ARID5B: variants seen among roughly 807,000 people sequenced by gnomAD.
The protein encoded by ARID5B is AT-rich interaction domain 5B.
A neutral mutation model predicts 97.2 loss-of-function variants in ARID5B; 13 were observed. That is an observed-to-expected ratio of 0.13 (90% CI 0.09 to 0.21). The LOEUF (loss-of-function observed/expected upper bound fraction) is 0.21, where lower values mean the gene tolerates loss of function less well. ARID5B is among the 10% of genes least tolerant of loss of function. ARID5B has a pLI of 1.00. For synonymous variants in ARID5B, 556 were observed against 570.3 expected (o/e 0.97, Z 0.36); for missense variants, 1,210 against 1,465.3 (o/e 0.83, Z 2.84).
chr10:61,957,620 G>T (rs1249110363), intron 3 of ARID5B, among the ~76,000 whole-genome samples: 1 of 152,158 alleles, frequency 6.6e-6, no homozygotes, highest in Non-Finnish European at 1.5e-5. Flanking sequence ...GGATGTACTG[G>T]AAGTGCAAAA....
chr10:62,054,832 G>T (rs1284635514), intron 5 of ARID5B, among the ~76,000 whole-genome samples: 6 of 152,040 alleles, frequency 3.9e-5, no homozygotes, highest in Non-Finnish European at 8.8e-5. Flanking sequence ...TTTGGAGTGG[G>T]GCAGACCTGA....
chr10:61,939,902 A>C (rs1844369240), intron 2 of ARID5B, among the ~76,000 whole-genome samples: 1 of 152,228 alleles, frequency 6.6e-6, no homozygotes, highest in South Asian at 2.1e-4. Context: ...AACTTGGGCA[A>C]CCAACATTAA....
In ARID5B at chr10:62,091,811, C is replaced by T; in HGVS notation, c.2348C>T (p.Pro783Leu). ...FKHEKLSRSD[P>L]HRCSFSKHHL... The stretch of plus-strand genomic sequence containing the variant: ...CATGAGAAACTGAGTCGATCAGATC[C>T]CCACCGCTGCAGCTTCTCCAAGCAT... Residue 783 changes from proline (P) to leucine (L), a missense_variant, in exon 10 of 10, where the codon CCC becomes CTC. This residue lies in a region of ARID5B where 800 missense variants were observed against 839.1 expected (regional missense o/e 0.95). Coordinates refer to ENST00000279873, the MANE Select transcript of ARID5B (RefSeq NM_032199.3). 1.2e-6 allele frequency: 2 copies of T among 1,614,020 alleles called. No homozygotes were observed. The highest frequency in any genetic ancestry group is 1.7e-6 in the Non-Finnish European group (2 of 1,179,990).
At chr10:62,062,045 C>T (rs909375653) in intron 7 of ARID5B, among the ~76,000 whole-genome samples, 5 of 152,170 alleles carry the variant, frequency 3.3e-5, no homozygotes, top group South Asian at 2.1e-4. Context: ...TTTGCCACCA[C>T]TATTCTACAT....
chr10:62,030,064 C>A (rs145683867), intron 4 of ARID5B, among the ~76,000 whole-genome samples: 5 of 152,158 alleles, frequency 3.3e-5, no homozygotes, highest in African/African-American at 1.2e-4. Flanking sequence ...GCTGTCCTGC[C>A]CTGAGGATAT....
chr10:62,030,027 C>T (rs968903248), intron 4 of ARID5B, among the ~76,000 whole-genome samples: 2 of 152,060 alleles, frequency 1.3e-5, no homozygotes, highest in Non-Finnish European at 1.5e-5. Flanking sequence ...GGTTCTAAAG[C>T]TAGATGTAAT....
intron 4 of ARID5B, among the ~76,000 whole-genome samples, chr10:62,023,008 C>T (rs1383944214): frequency 2.0e-5 from 3 of 152,168 alleles, no homozygotes; most frequent in Non-Finnish European, 4.4e-5. Flanking sequence ...GTCAAAGAAA[C>T]ATATCTCTGT....
rs936609955 is a variant in ARID5B, at chr10:61,938,386, T to A, written c.277-1797T>A. Among the ~76,000 whole-genome samples the A allele has an allele frequency of 2.0e-5, 3 of 152,216 alleles. No homozygotes were observed. In the Middle Eastern group the frequency reaches 9.5e-3, roughly 482 times the overall value. On this transcript the variant is annotated intron_variant, in intron 2 of 9. Coordinates refer to ENST00000279873, the MANE Select transcript of ARID5B (RefSeq NM_032199.3). ...AGTCAAAATGTTGCCAAATTCTCTC[T>A]TTACTAATGTTGAGACTGATACACC...
At chr10:61,989,716 C>G (rs535621092) in intron 3 of ARID5B, among the ~76,000 whole-genome samples, 5 of 152,328 alleles carry the variant, frequency 3.3e-5, no homozygotes, top group African/African-American at 1.2e-4. Flanking sequence ...AATGGATCAG[C>G]ATCGTTAACC....
chr10:62,060,910 A>T (rs1839913235), intron 7 of ARID5B, among the ~76,000 whole-genome samples: 1 of 152,314 alleles, frequency 6.6e-6, no homozygotes, highest in South Asian at 2.1e-4. Flanking sequence ...CTGTATCTTC[A>T]CAAAGATTTT....
At chr10:61,964,469 C>G (rs1201340046) in intron 3 of ARID5B, among the ~76,000 whole-genome samples, 1 of 152,138 alleles carries the variant, frequency 6.6e-6, no homozygotes, top group Non-Finnish European at 1.5e-5. Context: ...TAATGCTTAA[C>G]TGAATAGTGC....
Position 62,091,099 on chromosome 10 carries a change from C to T in ARID5B, c.1636C>T (p.Pro546Ser), listed in dbSNP as rs971439856. The T allele has an allele frequency of 1.7e-5, 28 of 1,614,120 alleles. No homozygotes were observed. Among genetic ancestry groups the T allele is most frequent in the Non-Finnish European group, 2.3e-5 (27 of 1,180,010 alleles). Residue 546 changes from proline (P) to serine (S), a missense_variant, in exon 10 of 10, where the codon CCT becomes TCT. Physicochemically the swap from Pro to Ser is moderately conservative, Grantham distance 74. Transcript: ENST00000279873. ...KGPTPPLPSA[P>S]LAPEKDSALV... Reference sequence around the variant, plus strand: ...GCCCACACCTCCACTCCCAAGTGCTCCTCTGGCCCCAGAAAAAGATTCAGC... The same window carrying T: ...GCCCACACCTCCACTCCCAAGTGCTTCTCTGGCCCCAGAAAAAGATTCAGC...
chr10:61,997,219 G>A (rs1401596473), intron 3 of ARID5B, among the ~76,000 whole-genome samples: 1 of 151,888 alleles, frequency 6.6e-6, no homozygotes, highest in African/African-American at 2.4e-5. Flanking sequence ...TCATGACTTG[G>A]CTAGTGTTTT....
intron 8 of ARID5B, among the ~76,000 whole-genome samples, chr10:62,082,077 G>T (rs563172365): frequency 6.6e-6 from 1 of 151,884 alleles, no homozygotes; most frequent in East Asian, 1.9e-4. Context: ...AAGAATCTCC[G>T]TGATAGCAAA....
chr10:61,922,111 T>C (rs866029146), intron 2 of ARID5B, among the ~76,000 whole-genome samples: 2 of 152,254 alleles, frequency 1.3e-5, no homozygotes, highest in South Asian at 4.1e-4. Context: ...GATTGCCTAA[T>C]CTTTTGAAGA....
chr10:62,039,966 A>G (rs1053282550), intron 4 of ARID5B, among the ~76,000 whole-genome samples: 1 of 152,240 alleles, frequency 6.6e-6, no homozygotes, highest in African/African-American at 2.4e-5. Context: ...ATAGTTGGAG[A>G]TTAAGAAGTG....
intron 2 of ARID5B, among the ~76,000 whole-genome samples, chr10:61,929,889 A>G (rs755241012): frequency 5.3e-5 from 8 of 152,236 alleles, no homozygotes; most frequent in African/African-American, 9.6e-5. Context: ...GAGGTTAGCC[A>G]CAGTTGGGAA....
rs141812783 is a variant in ARID5B at position 61,913,405 on chromosome 10, A to G, written c.276+10992A>G. ...CTGTAGACTCACAAGATAACAGATA[A>G]AAGAGACTGAGAAGAACAAATCCAG... On this transcript the variant is annotated intron_variant, in intron 2 of 9. Coordinates refer to ENST00000279873, the MANE Select transcript of ARID5B (RefSeq NM_032199.3). 6.6e-3 allele frequency among the ~76,000 whole-genome samples: 1,003 copies of G among 152,356 alleles called. 9 individuals are homozygous for G. The highest frequency in any genetic ancestry group is 0.011 in the Non-Finnish European group (726 of 68,042).
chr10:62,042,190 A>AATAC (rs1839646489), intron 4 of ARID5B, among the ~76,000 whole-genome samples: 1 of 152,222 alleles, frequency 6.6e-6, no homozygotes, highest in Non-Finnish European at 1.5e-5. Flanking sequence ...GTATTTATAG[A>AATAC]AGAGTTTTCA....
Sources: gnomAD v4.1 joint callset for allele counts (sites outside exome capture counted in the v4.1 genomes callset) on GRCh38, gnomAD v4.1.1 for gene constraint, gnomAD v4.1.1 regional missense constraint, MANE v1.5 for transcripts, NCBI Gene and HGNC (gene_info 2026-07-23, HGNC 2026-07-21) for gene names.